PRICKLE2: variants seen among roughly 807,000 people sequenced by gnomAD.
PRICKLE2 encodes the protein prickle planar cell polarity protein 2.
In PRICKLE2, 21 loss-of-function variants were observed where a neutral mutation model predicts 81.4. The ratio of observed to expected loss-of-function variants is 0.26; its 90% CI spans 0.18 to 0.37. PRICKLE2 has a LOEUF of 0.37. Among genes scored for constraint, PRICKLE2 ranks in the 10% least tolerant of loss-of-function variants. PRICKLE2 has a pLI of 1.00. For missense variants in PRICKLE2, 940 were observed against 1,109.0 expected (o/e 0.85, Z 2.16); for synonymous variants, 456 against 421.5 (o/e 1.08, Z -1.00).
intron 2 of PRICKLE2, among the ~76,000 whole-genome samples, chr3:64,193,793 T>C (rs1362053496): frequency 6.6e-6 from 1 of 152,160 alleles, no homozygotes; most frequent in Non-Finnish European, 1.5e-5. Flanking sequence ...GGAGTTTTCC[T>C]GCAAAAGCTC....
chr3:64,185,856 G>A (rs2078220873), intron 2 of PRICKLE2, among the ~76,000 whole-genome samples: 1 of 152,144 alleles, frequency 6.6e-6, no homozygotes, highest in East Asian at 1.9e-4. Flanking sequence ...ATGTACCCAT[G>A]AAAGCATCAA....
chr3:64,198,400 A>G (rs1309961633), intron 2 of PRICKLE2, among the ~76,000 whole-genome samples: 1 of 152,140 alleles, frequency 6.6e-6, no homozygotes, highest in Non-Finnish European at 1.5e-5. Context: ...AGATTCTCAC[A>G]GGAAACATCA....
At chr3:64,128,803 GA>G (rs1272527441) in intron 7 of PRICKLE2, among the ~76,000 whole-genome samples, 22 of 136,448 alleles carry the variant, frequency 1.6e-4, no homozygotes, top group African/African-American at 2.5e-4. Flanking sequence ...CATTTTAAAA[GA>G]AAAAAAAGTG....
At chr3:64,242,777 G>T (rs1355012971) in intron 2 of PRICKLE2, among the ~76,000 whole-genome samples, 1 of 152,212 alleles carries the variant, frequency 6.6e-6, no homozygotes, top group Middle Eastern at 3.2e-3. Context: ...TCTGTGAATG[G>T]CAATCTGTGC....
intron 7 of PRICKLE2, among the ~76,000 whole-genome samples, chr3:64,113,500 G>A (rs374191976): frequency 1.3e-5 from 2 of 152,274 alleles, no homozygotes; most frequent in East Asian, 3.9e-4. Context: ...CCAGTGAGGT[G>A]TGGCCTATAC....
At chr3:64,108,838 G>C (rs773339604) in intron 7 of PRICKLE2, among the ~76,000 whole-genome samples, 13 of 152,054 alleles carry the variant, frequency 8.5e-5, no homozygotes, top group Admixed American at 2.0e-4. Context: ...CAGTACTACT[G>C]ACATTTCGGG....
At chr3:64,170,347 G>C (rs2077907677) in intron 2 of PRICKLE2, among the ~76,000 whole-genome samples, 1 of 152,164 alleles carries the variant, frequency 6.6e-6, no homozygotes, top group Non-Finnish European at 1.5e-5. Flanking sequence ...ATTCAACAGT[G>C]ATTCTTGTTG....
intron 2 of PRICKLE2, among the ~76,000 whole-genome samples, chr3:64,183,199 A>G (rs1036591626): frequency 1.4e-4 from 21 of 152,190 alleles, no homozygotes; most frequent in Non-Finnish European, 2.8e-4. Flanking sequence ...TTGAACAAAT[A>G]CAATTAGGCA....
At chr3:64,199,929 C>A (rs911365794) in intron 1 of PRICKLE2, 1 of 152,038 alleles carries the variant, frequency 6.6e-6, no homozygotes, top group African/African-American at 2.4e-5. Flanking sequence ...ATAAAAGAGC[C>A]CAGAATTTTA....
chr3:64,141,998 A>G, intron 7 of PRICKLE2: 5 of 947,084 alleles, frequency 5.3e-6, no homozygotes, highest in Non-Finnish European at 6.3e-6. Flanking sequence ...TATTAAAAAA[A>G]AAACTACTGA....
chr3:64,214,581 CT>C (rs1413270887), intron 1 of PRICKLE2, among the ~76,000 whole-genome samples: 1 of 152,170 alleles, frequency 6.6e-6, no homozygotes, highest in Non-Finnish European at 1.5e-5. Flanking sequence ...CTACAACTCG[CT>C]TCCTCATTCT....
intron 7 of PRICKLE2, among the ~76,000 whole-genome samples, chr3:64,106,989 G>T (rs2076766254): frequency 2.0e-5 from 3 of 152,204 alleles, no homozygotes; most frequent in Admixed American, 6.5e-5. Flanking sequence ...AACAGAGAGG[G>T]TTTTTCCCTG....
chr3:64,264,407 T>G (rs2079666294), intron 2 of PRICKLE2, among the ~76,000 whole-genome samples: 2 of 152,186 alleles, frequency 1.3e-5, no homozygotes, highest in Non-Finnish European at 2.9e-5. Flanking sequence ...ACCTATGAAA[T>G]AGACTCCCTG....
At chr3:64,117,551 C>A (rs75442180) in intron 7 of PRICKLE2, among the ~76,000 whole-genome samples, 2,359 of 152,176 alleles carry the variant, frequency 0.016, 59 homozygotes, top group African/African-American at 0.055. Flanking sequence ...TTCCTATATA[C>A]CAACAATAGT....
rs898982453 is a variant in PRICKLE2, at chr3:64,093,528, G to A, written c.*5523C>T. 6.6e-6 allele frequency: 1 copy of A among 152,086 alleles called. No individual in the cohort carries two copies. The highest frequency in any genetic ancestry group is 2.4e-5 in the African/African-American group (1 of 41,414). The allele number at this position is 152,086 out of a possible 1,614,324, so 9.4% of individuals were successfully genotyped here. On this transcript the variant is annotated 3_prime_UTR_variant, in exon 8 of 8. Transcript: ENST00000638394. ...CTCCACATCCTCACCCACATTTGTTGTTATTTTTAATAACTGCCATCCTAA... is the reference window on the plus strand; with the variant it reads ...CTCCACATCCTCACCCACATTTGTTATTATTTTTAATAACTGCCATCCTAA...
At chr3:64,224,623 T>A (rs2079005740) in intron 1 of PRICKLE2, among the ~76,000 whole-genome samples, 1 of 152,194 alleles carries the variant, frequency 6.6e-6, no homozygotes, top group African/African-American at 2.4e-5. Flanking sequence ...TTATGGTTTT[T>A]TAAAGAAAGC....
rs1340417442 is a variant in PRICKLE2 at position 64,214,533 on chromosome 3, C to T, written c.-41+10377G>A. ...GAGATGCTGATTTCCCTGATTTGAG[C>T]TGGATCTATGGAAAGGTTTTTGTGG... On this transcript the variant is annotated intron_variant, in intron 1 of 7. Transcript: ENST00000638394. Among the ~76,000 whole-genome samples the T allele has an allele frequency of 2.0e-5, 3 of 152,158 alleles. No homozygotes were observed. The East Asian group carries it at 5.8e-4, about 29-fold the overall frequency.
intron 3 of PRICKLE2, among the ~76,000 whole-genome samples, chr3:64,162,257 A>G (rs1035797654): frequency 1.3e-5 from 2 of 152,212 alleles, no homozygotes; most frequent in East Asian, 3.8e-4. Context: ...TCAAGTAGAC[A>G]GTTCAGTTCC....
intron 4 of PRICKLE2, among the ~76,000 whole-genome samples, chr3:64,157,896 T>A (rs1173132742): frequency 6.6e-6 from 1 of 152,224 alleles, no homozygotes; most frequent in Non-Finnish European, 1.5e-5. Flanking sequence ...GCTTTTAGTC[T>A]GCTTCCTCTA....
Sources: allele counts gnomAD v4.1 joint callset (sites outside exome capture counted in the v4.1 genomes callset), GRCh38; gene constraint gnomAD v4.1.1; transcripts MANE v1.5; gene names NCBI Gene and HGNC (gene_info 2026-07-23, HGNC 2026-07-21).